Variants in PHYHIP observed in about 807,000 individuals in gnomAD.
PHYHIP encodes phytanoyl-CoA hydroxylase-interacting protein.
Under a neutral mutation model 26.1 loss-of-function variants are expected in PHYHIP, and 7 were observed. The observed-to-expected ratio is 0.27, with a 90% CI of 0.15 to 0.50. The LOEUF (loss-of-function observed/expected upper bound fraction) is 0.50, where lower values mean the gene tolerates loss of function less well. Among genes scored for constraint, PHYHIP ranks in the 20% least tolerant of loss-of-function variants. The probability of loss-of-function intolerance (pLI) is 0.98; values close to 1 mark genes in which losing one functional copy is unlikely to be tolerated. For missense variants in PHYHIP, 232 were observed against 454.7 expected (o/e 0.51, Z 4.45); for synonymous variants, 206 against 183.4 (o/e 1.12, Z -1.00).
At position 22,221,824 on chromosome 8, in the gene PHYHIP, G is replaced by T. The variant is rs769583933; in HGVS notation, c.522C>A (p.Pro174=). 3 of 1,594,474 alleles carry T rather than the reference G, an allele frequency of 1.9e-6. No individual in the cohort carries two copies. Among genetic ancestry groups the T allele is most frequent in the Non-Finnish European group, 8.5e-7 (1 of 1,170,426 alleles). ...AGACCCCGTGGAGCATACCGCTGGT[G>T]GGGGAGCCGTGGCTGCCACTGTTGT... is the stretch of plus-strand genomic sequence containing the variant. ...LKDNSGSHGS[P]TSGMLHGVFF... is the part of the protein sequence containing the mutation. Residue 174 remains proline, a synonymous_variant, in exon 5 of 5, where the codon CCC becomes CCA. Coordinates refer to ENST00000454243, the MANE Select transcript of PHYHIP (RefSeq NM_014759.5). This position sits in a 1 kb window ranked among gnomAD's most constrained non-coding sequence, Gnocchi z 7.9.
In PHYHIP at chr8:22,221,232, G is replaced by T; in HGVS notation, c.*121C>A. 1 of 958,238 alleles carries T rather than the reference G, an allele frequency of 1.0e-6. No homozygotes were observed. Among genetic ancestry groups the T allele is most frequent in the Non-Finnish European group, 1.5e-6 (1 of 665,000 alleles). 59.4% of individuals were successfully genotyped at this position (958,238 alleles called of 1,614,324 possible). A position where few individuals can be genotyped will look rare whatever the true frequency, so the allele number is the denominator to read the frequency against. ...TCCAATGCCAAGGGGCGAGGGGAGG[G>T]CAGCTGGGCAGAGTGGAGGGAGCAG... On this transcript the variant is annotated 3_prime_UTR_variant, in exon 5 of 5. Transcript: ENST00000454243. This position sits in a 1 kb window ranked among gnomAD's most constrained non-coding sequence, Gnocchi z 7.9.
At chr8:22,224,416 A>C in intron 3 of PHYHIP, 73 bp from the exon 4 acceptor site, 1 of 842,156 alleles carries the variant, frequency 1.2e-6, no homozygotes, top group Admixed American at 1.8e-5. Flanking sequence ...TCCCCACCCC[A>C]CCCCACACTG....
Position 22,230,214 on chromosome 8 carries a change from C to T in PHYHIP, c.-30+1582G>A, listed in dbSNP as rs376042076. Among the ~76,000 whole-genome samples, 359 of 152,018 alleles carry T rather than the reference C, an allele frequency of 2.4e-3. 2 individuals are homozygous for T. The highest frequency in any genetic ancestry group is 8.1e-3 in the African/African-American group (336 of 41,450). The stretch of plus-strand genomic sequence containing the variant: ...CACATGTGCCCCTCACACACACACA[C>T]GCACACACACACACGAACACAGACA... On this transcript the variant is annotated intron_variant, in intron 1 of 4. Coordinates refer to ENST00000454243, the MANE Select transcript of PHYHIP (RefSeq NM_014759.5).
chr8:22,227,987 G>C (rs901727742), intron 2 of PHYHIP, among the ~76,000 whole-genome samples: 1 of 152,248 alleles, frequency 6.6e-6, no homozygotes, highest in Non-Finnish European at 1.5e-5. Flanking sequence ...CCACGACCCC[G>C]TGAGGCTTGG....
chr8:22,220,567 C>A lies in PHYHIP; in HGVS notation c.*786G>T, dbSNP rs1424065349. 6.6e-6 allele frequency: 1 copy of A among 152,498 alleles called. No homozygotes were observed. The highest frequency in any genetic ancestry group is 1.5e-5 in the Non-Finnish European group (1 of 68,272). The allele number at this position is 152,498 out of a possible 1,614,324, so 9.4% of individuals were successfully genotyped here. ...CTCTGGGTCTCAGGGGTCTCCTCCC[C>A]CTCCTCAACCCCAGTGGCTGCTGTC... On this transcript the variant is annotated 3_prime_UTR_variant, in exon 5 of 5. Transcript: ENST00000454243.
Position 22,231,936 on chromosome 8 carries a change from G to C in PHYHIP, c.-170C>G, listed in dbSNP as rs1829877361. On this transcript the variant is annotated 5_prime_UTR_variant, in exon 1 of 5. Transcript: ENST00000454243. ...GCGTGCGCTTGCTCCTCTCCCGGCT[G>C]CCAAGGAGGCTGCTTCCATGCCCCG... 6.6e-6 allele frequency: 1 copy of C among 152,368 alleles called. No homozygotes were observed. The highest frequency in any genetic ancestry group is 2.4e-5 in the African/African-American group (1 of 41,462). 9.4% of individuals were successfully genotyped at this position (152,368 alleles called of 1,614,324 possible).
chr8:22,225,574 C>CA (rs1829725679), intron 3 of PHYHIP, among the ~76,000 whole-genome samples: 2 of 151,008 alleles, frequency 1.3e-5, no homozygotes, highest in African/African-American at 4.9e-5. Flanking sequence ...GCAGGCAGAT[C>CA]ACCTGAGGTC....
chr8:22,223,015 G>C (rs764579382), intron 4 of PHYHIP, among the ~76,000 whole-genome samples: 3 of 151,890 alleles, frequency 2.0e-5, no homozygotes, highest in Non-Finnish European at 4.4e-5. Flanking sequence ...AAACCCCAAA[G>C]ACTCCCAAGG....
intron 2 of PHYHIP, among the ~76,000 whole-genome samples, chr8:22,227,406 G>A (rs186666998): frequency 6.6e-6 from 1 of 152,228 alleles, no homozygotes; most frequent in African/African-American, 2.4e-5. Flanking sequence ...TATTCTTTGG[G>A]GGGGAGGGTT....
chr8:22,227,734 A>G (rs757167879), intron 2 of PHYHIP: 9 of 457,284 alleles, frequency 2.0e-5, no homozygotes, highest in Non-Finnish European at 3.5e-5. Context: ...AACTGAGGCC[A>G]CAGCAAAAGG....
chr8:22,228,161 G>T (rs199548369), intron 2 of PHYHIP, 32 bp downstream of exon 2: 1 of 1,598,726 alleles, frequency 6.3e-7, no homozygotes, highest in Non-Finnish European at 8.6e-7. Context: ...AACAGAAGCT[G>T]GGGAGGGGCT....
Position 22,228,340 on chromosome 8 carries a change from C to A in PHYHIP, c.18G>T (p.Thr6=). 2 of 1,599,944 alleles carry A rather than the reference C, an allele frequency of 1.3e-6. No individual in the cohort carries two copies. Among genetic ancestry groups the A allele is most frequent in the Non-Finnish European group, 8.5e-7 (1 of 1,173,520 alleles). Residue 6 remains threonine, a synonymous_variant, in exon 2 of 5, where the codon ACG becomes ACT. Transcript: ENST00000454243. MELLS[T]PHSIEINNIT... is the part of the protein sequence containing the mutation. ...TGTTGTTGATCTCAATGCTGTGGGGCGTGGACAGCAGCTCCATGCTCCCGT... is the reference window on the plus strand; with the variant it reads ...TGTTGTTGATCTCAATGCTGTGGGGAGTGGACAGCAGCTCCATGCTCCCGT...
intron 3 of PHYHIP, among the ~76,000 whole-genome samples, chr8:22,225,242 G>A (rs532701396): frequency 6.2e-4 from 94 of 152,214 alleles, no homozygotes; most frequent in Middle Eastern, 3.4e-3. Flanking sequence ...TGTGATCCCA[G>A]CACTTTGGGA....
At chr8:22,223,138 G>A (rs940234636) in intron 4 of PHYHIP, among the ~76,000 whole-genome samples, 7 of 152,084 alleles carry the variant, frequency 4.6e-5, no homozygotes, top group East Asian at 1.9e-4. Flanking sequence ...CGAGGTGGGC[G>A]GATCACCTGA....
In PHYHIP at chr8:22,220,340, AG is replaced by A; in HGVS notation, c.*1012del. 1 of 152,694 alleles carries A rather than the reference AG, an allele frequency of 6.5e-6. No homozygotes were observed. The highest frequency in any genetic ancestry group is 1.5e-5 in the Non-Finnish European group (1 of 68,428). The allele number at this position is 152,694 out of a possible 1,614,324, so 9.5% of individuals were successfully genotyped here. On this transcript the variant is annotated 3_prime_UTR_variant, in exon 5 of 5. Coordinates refer to ENST00000454243, the MANE Select transcript of PHYHIP (RefSeq NM_014759.5). ...AGGAGAGCAGACAGAGCCAGTGGGGAGGGGAGAGGCGGAGCAGCAGAGGGTC... is the reference window on the plus strand; with the variant it reads ...AGGAGAGCAGACAGAGCCAGTGGGGAGGGAGAGGCGGAGCAGCAGAGGGTC...
intron 1 of PHYHIP, 192 bp from the exon 2 acceptor site, chr8:22,228,578 G>T: frequency 2.0e-6 from 1 of 497,440 alleles, no homozygotes; most frequent in East Asian, 3.3e-5. Flanking sequence ...GTGCCTGCCC[G>T]GGGGGCTCTT....
chr8:22,222,894 A>G (rs561526513), intron 4 of PHYHIP, among the ~76,000 whole-genome samples: 6 of 152,174 alleles, frequency 3.9e-5, no homozygotes, highest in Non-Finnish European at 7.4e-5. Context: ...GGGTCTCACT[A>G]TGTTGCTCAG....
At chr8:22,230,896 G>C (rs1334769312) in intron 1 of PHYHIP, among the ~76,000 whole-genome samples, 5 of 152,008 alleles carry the variant, frequency 3.3e-5, no homozygotes, top group African/African-American at 1.2e-4. Flanking sequence ...GGGGAAAAGA[G>C]GATGCCACAG....
At position 22,221,803 on chromosome 8, in the gene PHYHIP, C is replaced by T. The variant is rs11547662; in HGVS notation, c.543G>A (p.Gly181=). The change falls in exon 5 of 5, where the codon GGG becomes GGA. Residue 181 remains glycine (G), a synonymous_variant. Coordinates refer to ENST00000454243, the MANE Select transcript of PHYHIP (RefSeq NM_014759.5). The surrounding 1 kb of genome is among the most constrained non-coding windows in gnomAD (Gnocchi z 7.9). The stretch of plus-strand genomic sequence containing the variant: ...ACTCCGTGTTGCAGCTGAAGAAGAC[C>T]CCGTGGAGCATACCGCTGGTGGGGG... ...HGSPTSGMLH[G]VFFSCNTEFN... is the part of the protein sequence containing the mutation. 6.2e-7 allele frequency: 1 copy of T among 1,607,720 alleles called. No homozygotes were observed. Among genetic ancestry groups the T allele is most frequent in the Admixed American group, 1.7e-5 (1 of 59,138 alleles).
Sources: allele counts gnomAD v4.1 joint callset (sites outside exome capture counted in the v4.1 genomes callset), GRCh38; gene constraint gnomAD v4.1.1; non-coding constraint Gnocchi (gnomAD v3.1); transcripts MANE v1.5; gene names NCBI Gene and HGNC (gene_info 2026-07-23, HGNC 2026-07-21).